The following LRP12 variants were observed in gnomAD, a reference collection of about 807,000 sequenced individuals.
LRP12 encodes the protein low-density lipoprotein receptor-related protein 12.
In LRP12, 14 loss-of-function variants were observed where a neutral mutation model predicts 66.0. That is an observed-to-expected ratio of 0.21 (90% CI 0.14 to 0.33). The LOEUF is 0.33. LRP12 is among the 10% of genes least tolerant of loss of function. The probability of loss-of-function intolerance (pLI) is 1.00; values close to 1 mark genes in which losing one functional copy is unlikely to be tolerated. For synonymous variants in LRP12, 357 were observed against 359.1 expected (o/e 0.99, Z 0.07); for missense variants, 889 against 1,053.4 (o/e 0.84, Z 2.16).
At chr8:104,501,133 T>C (rs1345364711) in intron 3 of LRP12, among the ~76,000 whole-genome samples, 1 of 152,190 alleles carries the variant, frequency 6.6e-6, no homozygotes, top group Non-Finnish European at 1.5e-5. Flanking sequence ...ACTCTACATA[T>C]TATAAACATG....
At chr8:104,492,222 A>C (rs1209170002) in intron 6 of LRP12, among the ~76,000 whole-genome samples, 1 of 151,812 alleles carries the variant, frequency 6.6e-6, no homozygotes, top group Admixed American at 6.6e-5. Context: ...CTTAATCTTT[A>C]AAGTTTTATT....
rs1811621143 is a variant in LRP12, at chr8:104,547,872, CTGTTA to C, written c.80-15914_80-15910del. On this transcript the variant is annotated intron_variant, in intron 1 of 6. Transcript: ENST00000276654. ...TATATTTTGTATATAATATACAATTCTGTTATATTACATTTTGTATATAATATACA... is the reference window on the plus strand; with the variant it reads ...TATATTTTGTATATAATATACAATTCTATTACATTTTGTATATAATATACA... Among the ~76,000 whole-genome samples the C allele has an allele frequency of 1.4e-4, 17 of 124,216 alleles. No homozygotes were observed. In the South Asian group the frequency reaches 1.9e-3, roughly 14 times the overall value. The allele number at this position is 124,216 out of a possible 152,430, so 81.5% of individuals were successfully genotyped here.
chr8:104,560,716 T>C (rs1360169876), intron 1 of LRP12, among the ~76,000 whole-genome samples: 1 of 152,220 alleles, frequency 6.6e-6, no homozygotes, highest in African/African-American at 2.4e-5. Flanking sequence ...AAATTCATAA[T>C]AAATCTTGAT....
At chr8:104,550,679 A>C (rs142835809) in intron 1 of LRP12, among the ~76,000 whole-genome samples, 64 of 151,492 alleles carry the variant, frequency 4.2e-4, no homozygotes, top group African/African-American at 1.5e-3. Flanking sequence ...GTTCTTTCCA[A>C]CCCTCCTGCT....
chr8:104,555,563 A>G (rs1811794215), intron 1 of LRP12, among the ~76,000 whole-genome samples: 1 of 152,280 alleles, frequency 6.6e-6, no homozygotes, highest in Non-Finnish European at 1.5e-5. Flanking sequence ...TAAAAACACA[A>G]AGAGGGACAT....
Position 104,490,935 on chromosome 8 carries a change from ACAT to A in LRP12, c.2315_2317del (p.Asp772del), listed in dbSNP as rs764604491. On this transcript the variant is annotated inframe_deletion, in exon 7 of 7. Coordinates refer to ENST00000276654, the MANE Select transcript of LRP12 (RefSeq NM_013437.5). ...ATCAGAAATTGGAATTAGCATTTCA[ACAT>A]CATCATCATCTTCTCTTCCACTTAC... 10 of 1,613,934 alleles carry A rather than the reference ACAT, an allele frequency of 6.2e-6. No individual in the cohort carries two copies. The highest frequency in any genetic ancestry group is 2.2e-5 in the East Asian group (1 of 44,902).
chr8:104,542,453 T>A (rs1381123375), intron 1 of LRP12, among the ~76,000 whole-genome samples: 1 of 152,168 alleles, frequency 6.6e-6, no homozygotes, highest in African/African-American at 2.4e-5. Context: ...TAAGCTGACT[T>A]TTCAGTGTCT....
intron 2 of LRP12, among the ~76,000 whole-genome samples, chr8:104,521,381 T>C (rs1588490731): frequency 6.6e-6 from 1 of 151,256 alleles, no homozygotes; most frequent in South Asian, 2.1e-4. Flanking sequence ...AATAAATATG[T>C]GATATATAAT....
intron 1 of LRP12, among the ~76,000 whole-genome samples, chr8:104,576,156 G>C (rs893228635): frequency 6.6e-6 from 1 of 152,142 alleles, no homozygotes; most frequent in African/African-American, 2.4e-5. Context: ...TGGTGTCTCT[G>C]AAAGAGATGG....
chr8:104,575,767 G>C (rs1331243069), intron 1 of LRP12, among the ~76,000 whole-genome samples: 2 of 151,968 alleles, frequency 1.3e-5, no homozygotes, highest in African/African-American at 4.8e-5. Context: ...TTCTGAACTG[G>C]GCTAAGATGA....
chr8:104,573,374 A>G (rs974382041), intron 1 of LRP12, among the ~76,000 whole-genome samples: 2 of 152,154 alleles, frequency 1.3e-5, no homozygotes, highest in African/African-American at 2.4e-5. Context: ...GTCCTCATTT[A>G]GCATCTCCAT....
At chr8:104,551,364 T>C (rs564998409) in intron 1 of LRP12, among the ~76,000 whole-genome samples, 1 of 152,306 alleles carries the variant, frequency 6.6e-6, no homozygotes, top group African/African-American at 2.4e-5. Flanking sequence ...GGGTTATCAA[T>C]ATTTAAAAAT....
At chr8:104,535,294 G>A (rs1811379028) in intron 1 of LRP12, among the ~76,000 whole-genome samples, 1 of 151,852 alleles carries the variant, frequency 6.6e-6, no homozygotes, top group Non-Finnish European at 1.5e-5. Context: ...GCTGCTTTAG[G>A]AAAGAAACTA....
chr8:104,546,948 AAT>A (rs1328438463), intron 1 of LRP12, among the ~76,000 whole-genome samples: 2 of 143,562 alleles, frequency 1.4e-5, no homozygotes, highest in South Asian at 2.1e-4. Flanking sequence ...TTTTGTATAT[AAT>A]ATATAATTAT....
At chr8:104,565,577 A>G (rs1588507161) in intron 1 of LRP12, among the ~76,000 whole-genome samples, 1 of 143,130 alleles carries the variant, frequency 7.0e-6, no homozygotes, top group African/African-American at 3.0e-5. Context: ...TATACAACCC[A>G]GGCCGGGCGC....
At chr8:104,559,333 T>A (rs1165198003) in intron 1 of LRP12, among the ~76,000 whole-genome samples, 3 of 152,134 alleles carry the variant, frequency 2.0e-5, no homozygotes, top group Admixed American at 6.5e-5. Flanking sequence ...AGACCATTAT[T>A]CTATGTGAAG....
intron 1 of LRP12, among the ~76,000 whole-genome samples, chr8:104,561,948 G>A (rs1811915079): frequency 6.6e-6 from 1 of 152,108 alleles, no homozygotes; most frequent in Non-Finnish European, 1.5e-5. Flanking sequence ...ATGGTATTTA[G>A]AGACCATAAT....
chr8:104,492,078 AAT>A, intron 6 of LRP12, among the ~76,000 whole-genome samples: 1 of 152,154 alleles, frequency 6.6e-6, no homozygotes, highest in Admixed American at 6.5e-5. Context: ...GCATTTGCTG[AAT>A]GGATACTGAG....
chr8:104,535,928 A>T (rs10505060), intron 1 of LRP12, among the ~76,000 whole-genome samples: 10,860 of 152,152 alleles, frequency 0.071, 1,097 homozygotes, highest in African/African-American at 0.23. Context: ...TTCCAATTTG[A>T]AAGAAAAACA....
Sources: gnomAD v4.1 joint callset for allele counts (sites outside exome capture counted in the v4.1 genomes callset) on GRCh38, gnomAD v4.1.1 for gene constraint, MANE v1.5 for transcripts, NCBI Gene and HGNC (gene_info 2026-07-23, HGNC 2026-07-21) for gene names.